The following KCNH1 variants were observed in gnomAD, a reference collection of about 807,000 sequenced individuals.
KCNH1 encodes the protein voltage-gated delayed rectifier potassium channel KCNH1.
KCNH1 carries 27 observed loss-of-function variants against 69.2 expected under a neutral mutation model. That is an observed-to-expected ratio of 0.39 (90% CI 0.29 to 0.54). KCNH1 has a LOEUF of 0.54. Among genes scored for constraint, KCNH1 ranks in the 20% least tolerant of loss-of-function variants. KCNH1 has a pLI of 0.68. For missense variants in KCNH1, 798 were observed against 1,261.6 expected (o/e 0.63, Z 5.57); for synonymous variants, 456 against 487.7 (o/e 0.93, Z 0.86).
chr1:210,875,689 G>C (rs931185139), intron 7 of KCNH1, among the ~76,000 whole-genome samples: 17 of 151,932 alleles, frequency 1.1e-4, no homozygotes, highest in African/African-American at 4.1e-4. Flanking sequence ...TGTAATCCCA[G>C]CTACTCGGGA....
intron 7 of KCNH1, among the ~76,000 whole-genome samples, chr1:210,821,323 T>C (rs1361360067): frequency 6.6e-6 from 1 of 152,168 alleles, no homozygotes; most frequent in African/African-American, 2.4e-5. Context: ...TAATAAAAAT[T>C]AGACCAACTT....
chr1:210,932,958 A>G (rs1001308554), intron 6 of KCNH1, among the ~76,000 whole-genome samples: 6 of 152,232 alleles, frequency 3.9e-5, no homozygotes, highest in African/African-American at 1.4e-4. Flanking sequence ...ATTTTAGATC[A>G]CTTAGACAGA....
At chr1:210,967,780 TTC>T (rs1480001128) in intron 6 of KCNH1, among the ~76,000 whole-genome samples, 11 of 152,166 alleles carry the variant, frequency 7.2e-5, no homozygotes, top group Non-Finnish European at 1.2e-4. Context: ...TATTTCTTTT[TTC>T]TCTCTTACTG....
At chr1:210,927,839 A>C (rs1687602385) in intron 6 of KCNH1, among the ~76,000 whole-genome samples, 1 of 152,208 alleles carries the variant, frequency 6.6e-6, no homozygotes, top group Non-Finnish European at 1.5e-5. Context: ...AGGGCCTCAC[A>C]TAAACTTAAG....
chr1:210,702,730 C>T (rs1681811838), intron 10 of KCNH1, among the ~76,000 whole-genome samples: 1 of 152,206 alleles, frequency 6.6e-6, no homozygotes, highest in Admixed American at 6.5e-5. Context: ...CTCCTTCTCA[C>T]CCCATGGTGA....
chr1:210,920,113 T>C (rs201575135), intron 6 of KCNH1, 44 bp from the exon 7 acceptor site: 15 of 1,568,038 alleles, frequency 9.6e-6, no homozygotes, highest in Admixed American at 1.7e-5. Flanking sequence ...GAACCAAAGA[T>C]ACTACTCTCG....
At chr1:210,739,647 G>T (rs1682968849) in intron 10 of KCNH1, among the ~76,000 whole-genome samples, 1 of 152,236 alleles carries the variant, frequency 6.6e-6, no homozygotes, top group Non-Finnish European at 1.5e-5. Context: ...ATAAGTCTTA[G>T]TAGTCTGGCA....
intron 6 of KCNH1, among the ~76,000 whole-genome samples, chr1:210,984,029 C>A (rs1453796778): frequency 1.3e-5 from 2 of 152,012 alleles, no homozygotes; most frequent in East Asian, 1.9e-4. Context: ...ATTCTCTTTG[C>A]AGCAATTGTG....
chr1:210,768,314 A>G (rs1683680556), intron 10 of KCNH1, among the ~76,000 whole-genome samples: 1 of 152,194 alleles, frequency 6.6e-6, no homozygotes, highest in South Asian at 2.1e-4. Flanking sequence ...AATAGGGCCT[A>G]GAGAGGTTAG....
intron 6 of KCNH1, among the ~76,000 whole-genome samples, chr1:210,997,899 A>G (rs1689084439): frequency 6.6e-6 from 1 of 152,254 alleles, no homozygotes; most frequent in Non-Finnish European, 1.5e-5. Flanking sequence ...AGAATTTCAT[A>G]TCCAGCCAAA....
chr1:211,113,286 T>C (rs1346527867), intron 1 of KCNH1, among the ~76,000 whole-genome samples: 2 of 152,214 alleles, frequency 1.3e-5, no homozygotes, highest in African/African-American at 4.8e-5. Flanking sequence ...TTATATTACA[T>C]GGTCTGCTTA....
chr1:210,774,102 A>G (rs1683806470), intron 10 of KCNH1, among the ~76,000 whole-genome samples: 1 of 152,138 alleles, frequency 6.6e-6, no homozygotes, highest in South Asian at 2.1e-4. Flanking sequence ...TTCGGGGCTC[A>G]GGGGTTAAGT....
At chr1:211,114,238 A>G (rs1413565548) in intron 1 of KCNH1, among the ~76,000 whole-genome samples, 1 of 152,148 alleles carries the variant, frequency 6.6e-6, no homozygotes, top group Non-Finnish European at 1.5e-5. Context: ...ATACTATGCA[A>G]GGGCCACTTG....
chr1:211,043,229 A>G (rs1266457524), intron 5 of KCNH1, among the ~76,000 whole-genome samples: 1 of 152,224 alleles, frequency 6.6e-6, no homozygotes, highest in African/African-American at 2.4e-5. Context: ...AGAAAAGAAG[A>G]GAGAAAATCC....
intron 6 of KCNH1, among the ~76,000 whole-genome samples, chr1:210,978,551 T>C (rs779646164): frequency 9.2e-5 from 14 of 152,174 alleles, no homozygotes; most frequent in Middle Eastern, 3.2e-3. Flanking sequence ...AGGTAACATA[T>C]TGTAGTAACT....
chr1:210,753,972 CGGCGCTATCTT>C (rs1558455535), intron 10 of KCNH1, among the ~76,000 whole-genome samples: 1 of 150,710 alleles, frequency 6.6e-6, no homozygotes, highest in South Asian at 2.1e-4. Flanking sequence ...TGGACTGCAG[CGGCGCTATCTT>C]GGCTCACTGC....
intron 6 of KCNH1, among the ~76,000 whole-genome samples, chr1:210,941,517 T>C (rs562646026): frequency 6.6e-6 from 1 of 152,322 alleles, no homozygotes; most frequent in African/African-American, 2.4e-5. Flanking sequence ...ACACCTGGGT[T>C]GTATCTGTGA....
At chr1:210,817,703 C>A (rs1684847946) in intron 7 of KCNH1, among the ~76,000 whole-genome samples, 1 of 152,144 alleles carries the variant, frequency 6.6e-6, no homozygotes, top group Admixed American at 6.6e-5. Flanking sequence ...TAGGGACTAT[C>A]ATTAGTCTCA....
At chr1:210,782,315 T>C (rs1367405291) in intron 9 of KCNH1, among the ~76,000 whole-genome samples, 2 of 152,176 alleles carry the variant, frequency 1.3e-5, no homozygotes, top group Non-Finnish European at 2.9e-5. Context: ...GTCTGAATAT[T>C]TGTGTCCCCA....
Sources: allele counts gnomAD v4.1 joint callset (sites outside exome capture counted in the v4.1 genomes callset), GRCh38; gene constraint gnomAD v4.1.1; transcripts MANE v1.5; gene names NCBI Gene and HGNC (gene_info 2026-07-23, HGNC 2026-07-21).